Variants in SH3BP5 observed in about 807,000 individuals in gnomAD.
The protein encoded by SH3BP5 is SH3 domain binding protein 5, also known as SH3 domain-binding protein 5.
SH3BP5 carries 22 observed loss-of-function variants against 43.3 expected under a neutral mutation model. The observed-to-expected ratio is 0.51, with a 90% CI of 0.36 to 0.73. SH3BP5 has a LOEUF of 0.73. Among genes scored for constraint, SH3BP5 ranks in the 30% least tolerant of loss-of-function variants. The pLI is 0.00. For missense variants in SH3BP5, 529 were observed against 586.9 expected, an observed-to-expected ratio of 0.90 and a Z score of 1.02; for synonymous variants, 255 against 225.8, an observed-to-expected ratio of 1.13 and a Z score of -1.16.
At chr3:15,292,914 G>A (rs776095802) in intron 3 of SH3BP5, among the ~76,000 whole-genome samples, 12 of 152,132 alleles carry the variant, frequency 7.9e-5, no homozygotes, top group African/African-American at 1.2e-4. Flanking sequence ...CCAGACGCCC[G>A]AGGCAGAGCC....
intron 3 of SH3BP5, among the ~76,000 whole-genome samples, chr3:15,300,792 C>T (rs1013646975): frequency 2.0e-5 from 3 of 152,098 alleles, no homozygotes; most frequent in African/African-American, 2.4e-5. Context: ...CTTCTTCCTG[C>T]CCACCTGCAA....
chr3:15,312,649 G>C (rs1205896523), intron 2 of SH3BP5, among the ~76,000 whole-genome samples: 1 of 152,118 alleles, frequency 6.6e-6, no homozygotes, highest in Non-Finnish European at 1.5e-5. Context: ...TTTTGTCAGG[G>C]AGAAAGACTC....
intron 3 of SH3BP5, among the ~76,000 whole-genome samples, chr3:15,280,293 G>A (rs1384701211): frequency 6.6e-6 from 1 of 152,012 alleles, no homozygotes; most frequent in African/African-American, 2.4e-5. Context: ...TCACCTTCAT[G>A]CTCTAGCAGT....
At chr3:15,300,501 C>T (rs865922963) in intron 3 of SH3BP5, among the ~76,000 whole-genome samples, 2 of 57,718 alleles carry the variant, frequency 3.5e-5, no homozygotes, top group Non-Finnish European at 4.8e-5. Context: ...AAAAAGGAAG[C>T]GGGGGCGGGG....
At position 15,321,261 on chromosome 3, in the gene SH3BP5, TG is replaced by T. The variant is rs533663320; in HGVS notation, c.201+9242del. On this transcript the variant is annotated intron_variant, in intron 2 of 8. Coordinates refer to ENST00000383791, the MANE Select transcript of SH3BP5 (RefSeq NM_004844.5). ...TGTTTTCCATTATATCTTGATTTAT[TG>T]TATTTTCTAAATAAGCATATATATG... Among the ~76,000 whole-genome samples the T allele has an allele frequency of 4.1e-3, 618 of 152,366 alleles. 2 individuals are homozygous for T. The highest frequency in any genetic ancestry group is 7.0e-3 in the Non-Finnish European group (474 of 68,040).
chr3:15,284,067 C>A (rs1434469028), intron 3 of SH3BP5, among the ~76,000 whole-genome samples: 2 of 152,114 alleles, frequency 1.3e-5, no homozygotes, highest in African/African-American at 4.8e-5. Flanking sequence ...AATGCAGGGC[C>A]CCATATTATC....
intron 5 of SH3BP5, 80 bp downstream of exon 5, chr3:15,262,079 A>C: frequency 6.5e-7 from 1 of 1,545,904 alleles, no homozygotes. Context: ...GTGGTCCTTG[A>C]GTGTGTGACA....
At chr3:15,258,065 A>G (rs139272580) in intron 7 of SH3BP5, 1 of 152,354 alleles carries the variant, frequency 6.6e-6, no homozygotes, top group East Asian at 1.9e-4. Flanking sequence ...CATACATAGT[A>G]GTTGTTCAAA....
At chr3:15,313,388 C>G (rs1372430548) in intron 2 of SH3BP5, among the ~76,000 whole-genome samples, 3 of 152,170 alleles carry the variant, frequency 2.0e-5, no homozygotes, top group African/African-American at 7.2e-5. Context: ...AAATCCAGCC[C>G]TAGAATGATA....
At chr3:15,257,845 T>C (rs543958508) in intron 7 of SH3BP5, among the ~76,000 whole-genome samples, 21 of 152,292 alleles carry the variant, frequency 1.4e-4, no homozygotes, top group African/African-American at 4.1e-4. Flanking sequence ...TTTCCCCCCC[T>C]TTCTCTTTAA....
chr3:15,309,916 C>CA (rs1553618536), intron 2 of SH3BP5, among the ~76,000 whole-genome samples: 1 of 143,922 alleles, frequency 6.9e-6, no homozygotes, highest in Admixed American at 7.0e-5. Context: ...ACCCCCCCCC[C>CA]ATAAGAAAAA....
intron 6 of SH3BP5, 69 bp from the exon 7 acceptor site, chr3:15,259,119 G>T: frequency 1.6e-6 from 2 of 1,255,714 alleles, no homozygotes; most frequent in Non-Finnish European, 2.3e-6. Context: ...TGAATGACAG[G>T]TTCAAGTACA....
Position 15,258,979 on chromosome 3 carries a change from C to G in SH3BP5, c.741G>C (p.Leu247=), listed in dbSNP as rs1696328427. The change falls in exon 7 of 9, where the codon CTG becomes CTC. Residue 247 remains leucine, a synonymous_variant. Transcript: ENST00000383791. ...TLAKGEYKMA[L]KNLEMISDEI... ...CATCTGAGATCATCTCCAGGTTCTT[C>G]AGGGCCATCTTGTACTCGCCTTTTG... 9 of 1,614,252 alleles carry G rather than the reference C, an allele frequency of 5.6e-6. No individual in the cohort carries two copies. Among genetic ancestry groups the G allele is most frequent in the East Asian group, 2.2e-5 (1 of 44,888 alleles).
At chr3:15,261,107 A>G (rs902661765) in intron 5 of SH3BP5, among the ~76,000 whole-genome samples, 5 of 152,144 alleles carry the variant, frequency 3.3e-5, no homozygotes, top group Admixed American at 1.3e-4. Context: ...AACCCTCGCC[A>G]CCTCCTGCCT....
At chr3:15,336,098 C>T (rs1698697658), upstream of SH3BP5, among the ~76,000 whole-genome samples, 1 of 152,130 alleles carries the variant, frequency 6.6e-6, no homozygotes, top group Admixed American at 6.5e-5. Context: ...GGCACCATTG[C>T]ACTCCAGCGT....
chr3:15,272,591 A>AGATTCGATGATACC (rs1559432717), intron 3 of SH3BP5, among the ~76,000 whole-genome samples: 4 of 115,662 alleles, frequency 3.5e-5, no homozygotes, highest in Admixed American at 7.5e-5. Flanking sequence ...TGCCTGTAGG[A>AGATTCGATGATACC]TAAAGACATT....
intron 3 of SH3BP5, among the ~76,000 whole-genome samples, chr3:15,272,246 A>ACCAGAC (rs1301788013): frequency 2.0e-5 from 3 of 152,186 alleles, no homozygotes; most frequent in African/African-American, 7.2e-5. Context: ...TGTACTGCAT[A>ACCAGAC]CCAGACCCAG....
chr3:15,297,614 C>T (rs902610369), intron 3 of SH3BP5, among the ~76,000 whole-genome samples: 3 of 152,046 alleles, frequency 2.0e-5, no homozygotes, highest in South Asian at 2.1e-4. Flanking sequence ...GACTTTAGCC[C>T]GTAAGATGTT....
At chr3:15,309,906 A>ACCC (rs67572916) in intron 2 of SH3BP5, among the ~76,000 whole-genome samples, 100 of 125,736 alleles carry the variant, frequency 8.0e-4, no homozygotes, top group African/African-American at 9.8e-4. Context: ...TCCCCGCTCC[A>ACCC]CCCCCCCCCC....
Sources: gnomAD v4.1 joint callset for allele counts (sites outside exome capture counted in the v4.1 genomes callset) on GRCh38, gnomAD v4.1.1 for gene constraint, MANE v1.5 for transcripts, NCBI Gene and HGNC (gene_info 2026-07-23, HGNC 2026-07-21) for gene names.